Variants in NT5DC3 observed in about 807,000 individuals in gnomAD.
NT5DC3 encodes 5'-nucleotidase domain-containing protein 3.
A neutral mutation model predicts 67.8 loss-of-function variants in NT5DC3; 42 were observed. The ratio of observed to expected loss-of-function variants is 0.62; its 90% CI spans 0.48 to 0.80. NT5DC3 has a LOEUF of 0.80. NT5DC3 is among the 30% of genes least tolerant of loss of function. NT5DC3 has a pLI of 0.00. For synonymous variants in NT5DC3, 237 were observed against 255.6 expected, an observed-to-expected ratio of 0.93 and a Z score of 0.69; for missense variants, 570 against 696.4, an observed-to-expected ratio of 0.82 and a Z score of 2.04.
chr12:103,767,476 G>A (rs558692753), downstream of NT5DC3, among the ~76,000 whole-genome samples: 4 of 152,230 alleles, frequency 2.6e-5, no homozygotes, highest in Admixed American at 1.3e-4. Context: ...TAGCAGTGAC[G>A]GTCGTACTAC....
chr12:103,774,277 A>G lies in NT5DC3; in HGVS notation c.*3552T>C, dbSNP rs1431407554. 3 of 152,248 alleles carry G rather than the reference A, an allele frequency of 2.0e-5. No homozygotes were observed. The highest frequency in any genetic ancestry group is 1.5e-5 in the Non-Finnish European group (1 of 68,048). The allele number at this position is 152,248 out of a possible 1,614,324, so 9.4% of individuals were successfully genotyped here. The stretch of plus-strand genomic sequence containing the variant: ...TCAAGCTATTTTTGTTTGCTTTACA[A>G]CACAATTTTTTAAATGGCTGAAAAC... On this transcript the variant is annotated 3_prime_UTR_variant, in exon 14 of 14. Coordinates refer to ENST00000392876, the MANE Select transcript of NT5DC3 (RefSeq NM_001031701.3).
chr12:103,810,946 C>T (rs1362293398), intron 2 of NT5DC3, among the ~76,000 whole-genome samples: 1 of 152,116 alleles, frequency 6.6e-6, no homozygotes, highest in Non-Finnish European at 1.5e-5. Context: ...TTAGAGGCAA[C>T]GCAGAAGGGA....
At chr12:103,760,963 G>A in the NT5DC3 span, among the ~76,000 whole-genome samples, 4 of 151,010 alleles carry the variant, frequency 2.6e-5, no homozygotes, top group Admixed American at 6.6e-5. Context: ...GTGGTGCGAT[G>A]TTCAGTGCAT....
chr12:103,774,175 G>A lies in NT5DC3; in HGVS notation c.*3654C>T, dbSNP rs191069590. 5 of 152,354 alleles carry A rather than the reference G, an allele frequency of 3.3e-5. No homozygotes were observed. In the East Asian group the frequency reaches 9.6e-4, roughly 29 times the overall value. 9.4% of individuals were successfully genotyped at this position (152,354 alleles called of 1,614,324 possible). On this transcript the variant is annotated 3_prime_UTR_variant, in exon 14 of 14. Coordinates refer to ENST00000392876, the MANE Select transcript of NT5DC3 (RefSeq NM_001031701.3). ...CTGGACTGTCATATTTGTGATGGCT[G>A]CTGCCCTGGACTCATCATTGTTCAC...
chr12:103,805,064 A>T (rs915472815), intron 4 of NT5DC3, among the ~76,000 whole-genome samples: 1 of 151,954 alleles, frequency 6.6e-6, no homozygotes, highest in Non-Finnish European at 1.5e-5. Context: ...TAACAAAAAA[A>T]AAAAAAAAGA....
chr12:103,832,609 A>G (rs928420940), intron 1 of NT5DC3, among the ~76,000 whole-genome samples: 1 of 152,194 alleles, frequency 6.6e-6, no homozygotes, highest in Non-Finnish European at 1.5e-5. Flanking sequence ...TTCAACTGGT[A>G]GATCAGCGAG....
At chr12:103,829,980 T>C (rs549226711) in intron 1 of NT5DC3, among the ~76,000 whole-genome samples, 1 of 152,188 alleles carries the variant, frequency 6.6e-6, no homozygotes, top group Non-Finnish European at 1.5e-5. Flanking sequence ...TTTGAGGTGA[T>C]CTACTGTCTT....
the NT5DC3 span, chr12:103,758,102 C>T: frequency 1.2e-6 from 2 of 1,603,110 alleles, no homozygotes; most frequent in Non-Finnish European, 1.7e-6. Flanking sequence ...GCCCTGGGAC[C>T]TTCTTCAGCC....
At chr12:103,811,800 C>A (rs1302432267) in intron 2 of NT5DC3, among the ~76,000 whole-genome samples, 6 of 152,168 alleles carry the variant, frequency 3.9e-5, no homozygotes. Context: ...TGGGTGTATA[C>A]ATACAGGAAC....
At chr12:103,825,172 G>A (rs565516224) in intron 1 of NT5DC3, among the ~76,000 whole-genome samples, 6 of 152,242 alleles carry the variant, frequency 3.9e-5, no homozygotes, top group Non-Finnish European at 5.9e-5. Flanking sequence ...ATTTTGCATC[G>A]TCTCCGAGGA....
intron 10 of NT5DC3, among the ~76,000 whole-genome samples, chr12:103,788,595 C>A (rs1321479332): frequency 6.6e-6 from 1 of 152,132 alleles, no homozygotes. Flanking sequence ...ATGTTACACA[C>A]TATGAAAGTC....
chr12:103,804,496 A>C (rs1018875088), intron 4 of NT5DC3, among the ~76,000 whole-genome samples: 1 of 152,234 alleles, frequency 6.6e-6, no homozygotes, highest in African/African-American at 2.4e-5. Flanking sequence ...AAAGTAGCAA[A>C]GGGAAGTCCC....
the NT5DC3 span, among the ~76,000 whole-genome samples, chr12:103,757,552 C>T: frequency 5.3e-5 from 8 of 152,216 alleles, no homozygotes; most frequent in Non-Finnish European, 1.2e-4. Flanking sequence ...CCCCAGGGTC[C>T]CCCTTCTGTC....
At chr12:103,785,878 G>A (rs2139315630) in intron 11 of NT5DC3, 1 of 379,724 alleles carries the variant, frequency 2.6e-6, no homozygotes, top group Admixed American at 3.8e-5. Context: ...CTGGGTTATG[G>A]AGAACCATGG....
the NT5DC3 span, chr12:103,755,590 C>G: frequency 1.9e-6 from 3 of 1,613,700 alleles, no homozygotes; most frequent in Non-Finnish European, 1.7e-6. Context: ...TGTGTGGGAC[C>G]CTGTGTGCCT....
chr12:103,811,285 C>A (rs1015139808), intron 2 of NT5DC3, among the ~76,000 whole-genome samples: 6 of 29,104 alleles, frequency 2.1e-4, no homozygotes, highest in Admixed American at 4.9e-4. Context: ...TGCGGGTGGG[C>A]GGGGGCGGGG....
At chr12:103,800,803 C>T (rs1886538766) in intron 4 of NT5DC3, among the ~76,000 whole-genome samples, 2 of 152,222 alleles carry the variant, frequency 1.3e-5, no homozygotes, top group South Asian at 2.1e-4. Context: ...CCAGGGCTTC[C>T]AATTCCCGCT....
At chr12:103,792,208 A>T (rs530396209) in intron 9 of NT5DC3, among the ~76,000 whole-genome samples, 3 of 152,326 alleles carry the variant, frequency 2.0e-5, no homozygotes, top group Admixed American at 1.3e-4. Context: ...CACAGTTTAT[A>T]GCTGTTTTTC....
At chr12:103,820,059 C>A (rs1376168738) in intron 1 of NT5DC3, among the ~76,000 whole-genome samples, 1 of 152,196 alleles carries the variant, frequency 6.6e-6, no homozygotes, top group African/African-American at 2.4e-5. Flanking sequence ...CCTCAAGGTT[C>A]ATCCATGGTG....
Sources: gnomAD v4.1 joint callset for allele counts (sites outside exome capture counted in the v4.1 genomes callset) on GRCh38, gnomAD v4.1.1 for gene constraint, MANE v1.5 for transcripts, NCBI Gene and HGNC (gene_info 2026-07-23, HGNC 2026-07-21) for gene names.